Variants in GBP7 observed in about 807,000 individuals in gnomAD.
GBP7 encodes the protein guanylate-binding protein 7.
A neutral mutation model predicts 61.3 loss-of-function variants in GBP7; 43 were observed. The ratio of observed to expected loss-of-function variants is 0.70; its 90% confidence interval spans 0.55 to 0.91. The LOEUF (loss-of-function observed/expected upper bound fraction) is 0.91, where lower values mean the gene tolerates loss of function less well. GBP7 is among the 40% of genes least tolerant of loss of function. The pLI is 0.00. For synonymous variants in GBP7, 267 were observed against 271.0 expected (o/e 0.99, Z 0.14); for missense variants, 717 against 740.5 (o/e 0.97, Z 0.37).
At chr1:89,142,343 C>T (rs1006302913) in intron 8 of GBP7, among the ~76,000 whole-genome samples, 3 of 152,134 alleles carry the variant, frequency 2.0e-5, no homozygotes, top group African/African-American at 4.8e-5. Context: ...CTTGAACTCC[C>T]GGGCTGAATG....
chr1:89,148,800 A>G (rs1239863059), intron 7 of GBP7, among the ~76,000 whole-genome samples: 5 of 152,086 alleles, frequency 3.3e-5, no homozygotes, highest in Admixed American at 6.6e-5. Context: ...TTTTTTCCAC[A>G]CTCAGTCAGG....
At chr1:89,158,246 C>A (rs1232445145) in intron 3 of GBP7, among the ~76,000 whole-genome samples, 7 of 152,118 alleles carry the variant, frequency 4.6e-5, no homozygotes, top group Admixed American at 4.6e-4. Flanking sequence ...AAACCCACAG[C>A]CAACATCATA....
intron 6 of GBP7, 47 bp from the exon 7 acceptor site, chr1:89,149,619 A>G (rs371666325): frequency 2.9e-5 from 44 of 1,520,374 alleles, no homozygotes; most frequent in Non-Finnish European, 3.7e-5. Context: ...GTTTTCACTC[A>G]TTGTTTTACG....
At chr1:89,150,269 T>C in intron 6 of GBP7, 61 bp downstream of exon 6, 1 of 1,484,524 alleles carries the variant, frequency 6.7e-7, no homozygotes. Flanking sequence ...ATAAGCTTAG[T>C]TTACTAGTTT....
chr1:89,168,016 CA>C (rs1212262825), intron 2 of GBP7, among the ~76,000 whole-genome samples: 23 of 152,146 alleles, frequency 1.5e-4, no homozygotes, highest in Middle Eastern at 3.2e-3. Context: ...GAAATTACAC[CA>C]ACAGTAGTTT....
Position 89,149,272 on chromosome 1 carries a change from A to C in GBP7, c.1152+20T>G, listed in dbSNP as rs1682135889. ...TCCAGAAAGGCAGGAATCAAGAAAA[A>C]AAAAAATAACAAAGATTACCACAAG... On this transcript the variant is annotated intron_variant, in intron 7 of 10. Coordinates refer to ENST00000294671, the MANE Select transcript of GBP7 (RefSeq NM_207398.3). The C allele has an allele frequency of 6.3e-7, 1 of 1,576,296 alleles. No homozygotes were observed. Among genetic ancestry groups the C allele is most frequent in the Admixed American group, 1.9e-5 (1 of 53,938 alleles).
chr1:89,170,644 C>G (rs1166849399), intron 2 of GBP7, among the ~76,000 whole-genome samples: 6 of 152,138 alleles, frequency 3.9e-5, no homozygotes, highest in Non-Finnish European at 7.3e-5. Flanking sequence ...AGATCTTGAT[C>G]AAAGGGGGAA....
intron 10 of GBP7, among the ~76,000 whole-genome samples, 181 bp from the exon 11 acceptor site, chr1:89,132,584 C>T (rs946251451): frequency 6.6e-6 from 1 of 152,138 alleles, no homozygotes; most frequent in Admixed American, 6.5e-5. Flanking sequence ...CCATGATATA[C>T]ACCTTTGTGA....
intron 3 of GBP7, among the ~76,000 whole-genome samples, chr1:89,159,059 A>C (rs1682377090): frequency 6.6e-6 from 1 of 152,198 alleles, no homozygotes; most frequent in African/African-American, 2.4e-5. Context: ...ATAATACCAC[A>C]CATCTACAAC....
At chr1:89,167,426 T>A (rs1647474551) in intron 2 of GBP7, among the ~76,000 whole-genome samples, 1 of 152,108 alleles carries the variant, frequency 6.6e-6, no homozygotes, top group Admixed American at 6.5e-5. Flanking sequence ...GTACTCTGTG[T>A]TTTTTTGTTT....
In GBP7 at chr1:89,141,582, C is replaced by G. The variant is rs1380870716; in HGVS notation, c.1432G>C (p.Asp478His). ...TTCTCTCCAGCAGTGAGGGCTTTGTCTGACTGCAGGATGGATTCCTCTATA... is the reference window on the plus strand; with the variant it reads ...TTCTCTCCAGCAGTGAGGGCTTTGTGTGACTGCAGGATGGATTCCTCTATA... ...VVIEESILQS[D>H]KALTAGEKAI... The change falls in exon 9 of 11, where the codon GAC becomes CAC. Residue 478 changes from aspartate to histidine, a missense_variant. Physicochemically the swap from Asp to His is moderately conservative, Grantham distance 81. Transcript: ENST00000294671. The G allele has an allele frequency of 1.9e-6, 3 of 1,613,894 alleles. No homozygotes were observed. Among genetic ancestry groups the G allele is most frequent in the Non-Finnish European group, 2.5e-6 (3 of 1,179,852 alleles).
intron 3 of GBP7, among the ~76,000 whole-genome samples, chr1:89,157,658 A>G (rs978109049): frequency 6.6e-6 from 1 of 152,206 alleles, no homozygotes; most frequent in Non-Finnish European, 1.5e-5. Flanking sequence ...AACCAGGAAG[A>G]AGTTGAATCT....
chr1:89,173,264 G>C (rs59796457), intron 1 of GBP7, among the ~76,000 whole-genome samples: 84 of 152,170 alleles, frequency 5.5e-4, no homozygotes, highest in African/African-American at 1.9e-3. Flanking sequence ...GACCCACTCA[G>C]GGGCAAAGTT....
chr1:89,140,375 G>A (rs1450702221), intron 9 of GBP7, among the ~76,000 whole-genome samples: 3 of 150,084 alleles, frequency 2.0e-5, no homozygotes, highest in African/African-American at 4.9e-5. Context: ...CACCAACATG[G>A]CACATGTATA....
At chr1:89,173,988 T>C (rs1198874359) in intron 1 of GBP7, among the ~76,000 whole-genome samples, 1 of 152,208 alleles carries the variant, frequency 6.6e-6, no homozygotes, top group Non-Finnish European at 1.5e-5. Flanking sequence ...AATGAGAATG[T>C]ACATATTTTC....
intron 1 of GBP7, among the ~76,000 whole-genome samples, chr1:89,172,401 A>G (rs938992465): frequency 6.6e-6 from 1 of 152,032 alleles, no homozygotes; most frequent in Admixed American, 6.6e-5. Flanking sequence ...TGCATCTTTG[A>G]TAGTTCGTTA....
rs1269648007 is a variant in GBP7, at chr1:89,150,524, T to A, written c.677A>T (p.His226Leu). The A allele has an allele frequency of 3.7e-6, 6 of 1,613,892 alleles. No homozygotes were observed. Among genetic ancestry groups the A allele is most frequent in the Non-Finnish European group, 5.1e-6 (6 of 1,179,864 alleles). Residue 226 changes from histidine to leucine, a missense_variant, in exon 6 of 11, where the codon CAT becomes CTT. This residue lies in a region of GBP7 where 387 missense variants were observed against 385.2 expected (regional missense o/e 1.00). Transcript: ENST00000294671. ...AAAGCACTTCTGTTTTGGAAAGAAA[T>A]GCCTGATCCACTCCCTGGGCTTGTT... ...NSNKPREWIR[H>L]FFPKQKCFVF...
chr1:89,140,207 A>G (rs1162148292), intron 9 of GBP7, among the ~76,000 whole-genome samples: 2 of 147,822 alleles, frequency 1.4e-5, no homozygotes, highest in African/African-American at 2.5e-5. Context: ...ACCAAACACC[A>G]CATGTTCTCA....
At position 89,147,574 on chromosome 1, in the gene GBP7, C is replaced by T. The variant is rs1570347888; in HGVS notation, c.1358G>A (p.Gly453Glu). ...TCTCCCCTTATTCCTCACCTTAACT[C>T]CTTTTCTGGGCACTAGTGTATAGTC... ...EQDYTLVPRK[G>E]VKADEVLQSF... Residue 453 changes from glycine (G) to glutamate (E), a missense_variant, in exon 8 of 11, where the codon GGA (glycine) becomes GAA (glutamate). By Grantham distance (98) the Gly-to-Glu change is moderately conservative. Coordinates refer to ENST00000294671, the MANE Select transcript of GBP7 (RefSeq NM_207398.3). The T allele has an allele frequency of 6.2e-7, 1 of 1,613,212 alleles. No individual in the cohort carries two copies. The highest frequency in any genetic ancestry group is 8.5e-7 in the Non-Finnish European group (1 of 1,179,156).
Sources: gnomAD v4.1 joint callset for allele counts (sites outside exome capture counted in the v4.1 genomes callset) on GRCh38, gnomAD v4.1.1 for gene constraint, gnomAD v4.1.1 regional missense constraint, MANE v1.5 for transcripts, NCBI Gene and HGNC (gene_info 2026-07-23, HGNC 2026-07-21) for gene names.